The following SDK1 variants were observed in gnomAD, a reference collection of about 807,000 sequenced individuals.
The protein encoded by SDK1 is sidekick cell adhesion molecule 1.
In SDK1, 157 loss-of-function variants were observed where a neutral mutation model predicts 245.5. The observed-to-expected ratio is 0.64, with a 90% CI of 0.56 to 0.73. SDK1 has a LOEUF of 0.73. Ranked by LOEUF, SDK1 falls within the 30% of genes least tolerant of loss-of-function variation. The pLI is 0.00. For synonymous variants in SDK1, 1,647 were observed against 1,278.5 expected (o/e 1.29, Z -6.15); for missense variants, 3,583 against 3,002.3 (o/e 1.19, Z -4.52).
Position 4,242,891 on chromosome 7 carries a change from G to C in SDK1, c.6251+978G>C, listed in dbSNP as rs184712511. ...GATCACTCGGGTGGCGCCGAGGCAC[G>C]GGTGGGCCTTCTCCCAGCCACTGAC... On this transcript the variant is annotated intron_variant, in intron 43 of 44. Transcript: ENST00000404826. Among the ~76,000 whole-genome samples the C allele has an allele frequency of 2.6e-5, 4 of 152,270 alleles. No individual in the cohort carries two copies. In the East Asian group the frequency reaches 7.7e-4, roughly 29 times the overall value.
At chr7:3,821,069 G>T (rs1188271953) in intron 4 of SDK1, among the ~76,000 whole-genome samples, 1 of 152,190 alleles carries the variant, frequency 6.6e-6, no homozygotes, top group African/African-American at 2.4e-5. Context: ...GCTGGGTCAG[G>T]GTTGTGGTGG....
At chr7:4,197,103 C>G (rs1305583936) in intron 35 of SDK1, among the ~76,000 whole-genome samples, 1 of 152,186 alleles carries the variant, frequency 6.6e-6, no homozygotes, top group Non-Finnish European at 1.5e-5. Flanking sequence ...CCTCTCCCAC[C>G]TGGGGTTAGA....
chr7:4,265,599 T>C lies in SDK1; in HGVS notation c.*215T>C. 7.5e-7 allele frequency: 1 copy of C among 1,339,296 alleles called. No individual in the cohort carries two copies. Among genetic ancestry groups the C allele is most frequent in the East Asian group, 3.0e-5 (1 of 32,930 alleles). The allele number at this position is 1,339,296 out of a possible 1,614,324, so 83.0% of individuals were successfully genotyped here. A position where few individuals can be genotyped will look rare whatever the true frequency, so the allele number is the denominator to read the frequency against. ...AACTTCGCTGCAGGAAGCAGGTTTG[T>C]TTCTTTTTCTTTTCTTTTTAAGAGA... is the stretch of plus-strand genomic sequence containing the variant. On this transcript the variant is annotated 3_prime_UTR_variant, in exon 45 of 45. Coordinates refer to ENST00000404826, the MANE Select transcript of SDK1 (RefSeq NM_152744.4).
At chr7:3,562,078 A>T (rs956451427) in intron 1 of SDK1, among the ~76,000 whole-genome samples, 2 of 152,226 alleles carry the variant, frequency 1.3e-5, no homozygotes, top group African/African-American at 4.8e-5. Flanking sequence ...CTGGGACAGA[A>T]TGCCACGCCT....
At position 3,909,271 on chromosome 7, in the gene SDK1, T is replaced by C. The variant is rs147035018; in HGVS notation, c.848-41652T>C. ...AGTTCAGCTCTGCTCTCCAGCAGGC[T>C]CTCTCGGGTGGTGACCAGATGGCCG... is the stretch of plus-strand genomic sequence containing the variant. On this transcript the variant is annotated intron_variant, in intron 5 of 44. Transcript: ENST00000404826. 1.6e-3 allele frequency among the ~76,000 whole-genome samples: 237 copies of C among 152,148 alleles called. 2 individuals are homozygous for C. Among genetic ancestry groups the C allele is most frequent in the African/African-American group, 5.3e-3 (222 of 41,510 alleles).
At chr7:3,547,649 A>G (rs1779270973) in intron 1 of SDK1, among the ~76,000 whole-genome samples, 1 of 152,210 alleles carries the variant, frequency 6.6e-6, no homozygotes, top group Non-Finnish European at 1.5e-5. Context: ...CCATGATACT[A>G]CCCTGGCCCT....
intron 1 of SDK1, among the ~76,000 whole-genome samples, chr7:3,503,351 C>T: frequency 6.6e-6 from 1 of 152,166 alleles, no homozygotes; most frequent in Non-Finnish European, 1.5e-5. Context: ...TCTTGTCAGA[C>T]ACCTTACACA....
chr7:3,345,254 C>G (rs1473592591), intron 1 of SDK1, among the ~76,000 whole-genome samples: 1 of 152,098 alleles, frequency 6.6e-6, no homozygotes, highest in Non-Finnish European at 1.5e-5. Context: ...CCTGGTTTCT[C>G]TGGGACCTGA....
intron 1 of SDK1, among the ~76,000 whole-genome samples, chr7:3,416,913 C>T (rs562378362): frequency 1.3e-5 from 2 of 152,286 alleles, no homozygotes; most frequent in South Asian, 4.2e-4. Context: ...TGGCTCATGC[C>T]TGTAATCCCA....
At chr7:3,768,206 A>G (rs991348574) in intron 4 of SDK1, among the ~76,000 whole-genome samples, 3 of 152,236 alleles carry the variant, frequency 2.0e-5, no homozygotes, top group African/African-American at 7.2e-5. Context: ...AGCGTTGAAT[A>G]TAATAGACTG....
In SDK1 at chr7:3,945,039, C is replaced by T. The variant is rs560505045; in HGVS notation, c.848-5884C>T. On this transcript the variant is annotated intron_variant, in intron 5 of 44. Coordinates refer to ENST00000404826, the MANE Select transcript of SDK1 (RefSeq NM_152744.4). ...TGAGGCAGGAGAATCACTTGAGCTT[C>T]GGAGGCAGAGTTTGCAGTGAGCTGA... Among the ~76,000 whole-genome samples the T allele has an allele frequency of 2.0e-4, 31 of 152,204 alleles. 2 individuals carry two copies. The South Asian group carries it at 6.2e-3, about 31-fold the overall frequency.
At chr7:3,944,656 C>T (rs1780504362) in intron 5 of SDK1, among the ~76,000 whole-genome samples, 1 of 152,234 alleles carries the variant, frequency 6.6e-6, no homozygotes, top group Admixed American at 6.5e-5. Context: ...GTAGAAAAGC[C>T]ATCATGGCAG....
Position 4,017,370 on chromosome 7 carries a change from A to C in SDK1, c.2602+18A>C. On this transcript the variant is annotated intron_variant, in intron 17 of 44. Coordinates refer to ENST00000404826, the MANE Select transcript of SDK1 (RefSeq NM_152744.4). ...GCAGGGAGGTAAGCTTGTCTCCAAA[A>C]CCACGAGGTGGCGGGATCTTTGCCG... is the stretch of plus-strand genomic sequence containing the variant. 6.3e-7 allele frequency: 1 copy of C among 1,590,396 alleles called. No individual in the cohort carries two copies. The highest frequency in any genetic ancestry group is 8.6e-7 in the Non-Finnish European group (1 of 1,164,934).
At chr7:3,496,354 G>A (rs1452567677) in intron 1 of SDK1, among the ~76,000 whole-genome samples, 1 of 151,804 alleles carries the variant, frequency 6.6e-6, no homozygotes, top group East Asian at 1.9e-4. Flanking sequence ...GTCTCACTGT[G>A]TATTATTTAA....
intron 1 of SDK1, among the ~76,000 whole-genome samples, chr7:3,432,146 T>A (rs2128584785): frequency 6.7e-6 from 1 of 148,254 alleles, no homozygotes; most frequent in South Asian, 2.1e-4. Context: ...TATTTTATAT[T>A]TAAAAAATAT....
At chr7:4,163,565 GGC>G (rs1781306392) in intron 32 of SDK1, among the ~76,000 whole-genome samples, 1 of 152,172 alleles carries the variant, frequency 6.6e-6, no homozygotes, top group Non-Finnish European at 1.5e-5. Context: ...CCTGCAGAAG[GGC>G]CACTCCAAGG....
At chr7:4,004,830 A>G (rs1294048336) in intron 14 of SDK1, among the ~76,000 whole-genome samples, 1 of 152,070 alleles carries the variant, frequency 6.6e-6, no homozygotes, top group Non-Finnish European at 1.5e-5. Context: ...AGTGTCTAAA[A>G]AGAAAGGTCT....
At chr7:3,330,613 C>T (rs1339170475) in intron 1 of SDK1, among the ~76,000 whole-genome samples, 3 of 152,072 alleles carry the variant, frequency 2.0e-5, no homozygotes, top group Non-Finnish European at 4.4e-5. Flanking sequence ...CACCAGATGC[C>T]AGTGCCATGG....
chr7:3,650,312 C>G (rs1782971217), intron 4 of SDK1, among the ~76,000 whole-genome samples: 1 of 152,088 alleles, frequency 6.6e-6, no homozygotes, highest in Non-Finnish European at 1.5e-5. Context: ...TTCAGCACAT[C>G]TTTTCATCTT....
Sources: gnomAD v4.1 joint callset for allele counts (sites outside exome capture counted in the v4.1 genomes callset) on GRCh38, gnomAD v4.1.1 for gene constraint, MANE v1.5 for transcripts, NCBI Gene and HGNC (gene_info 2026-07-23, HGNC 2026-07-21) for gene names.